The following PRKG1 variants were observed in gnomAD, a reference collection of about 807,000 sequenced individuals.
PRKG1 encodes protein kinase cGMP-dependent 1, also known as cGMP-dependent protein kinase 1.
A neutral mutation model predicts 88.1 loss-of-function variants in PRKG1; 35 were observed. The observed-to-expected ratio is 0.40, with a 90% confidence interval of 0.30 to 0.53. The LOEUF (loss-of-function observed/expected upper bound fraction) is 0.53. Ranked by LOEUF, PRKG1 falls within the 20% of genes least tolerant of loss-of-function variation. The pLI, the probability that PRKG1 is intolerant of heterozygous loss-of-function variation, is 0.59. For missense variants in PRKG1, 540 were observed against 839.8 expected (o/e 0.64, Z 4.41); for synonymous variants, 303 against 292.5 (o/e 1.04, Z -0.37).
Position 50,991,251 on chromosome 10 carries a change from C to A in PRKG1, c.-128C>A. ...CATTAGGGGCGCACTCCGCCGCGCT[C>A]GAGTACTTAGCGCCCATTCACTCGC... On this transcript the variant is annotated 5_prime_UTR_variant, in exon 1 of 18. Transcript: ENST00000401604. This position sits in a 1 kb window ranked among gnomAD's most constrained non-coding sequence, Gnocchi z 4.5. 7.4e-7 allele frequency: 1 copy of A among 1,346,626 alleles called. No homozygotes were observed. The highest frequency in any genetic ancestry group is 9.8e-7 in the Non-Finnish European group (1 of 1,019,570). The allele number at this position is 1,346,626 out of a possible 1,614,324, so 83.4% of individuals were successfully genotyped here.
At chr10:52,111,935 C>T (rs1847574241) in intron 7 of PRKG1, among the ~76,000 whole-genome samples, 1 of 152,098 alleles carries the variant, frequency 6.6e-6, no homozygotes, top group African/African-American at 2.4e-5. Flanking sequence ...TATGATAGTG[C>T]CTGTCTTTAA....
intron 3 of PRKG1, among the ~76,000 whole-genome samples, chr10:51,577,287 A>G (rs1450493341): frequency 6.6e-6 from 1 of 152,042 alleles, no homozygotes; most frequent in East Asian, 1.9e-4. Context: ...AAATGTAAAA[A>G]GCAAAAATAT....
intron 5 of PRKG1, among the ~76,000 whole-genome samples, chr10:51,990,352 T>C (rs1157629699): frequency 6.6e-6 from 1 of 152,126 alleles, no homozygotes; most frequent in Non-Finnish European, 1.5e-5. Flanking sequence ...GATTGTTTTT[T>C]CCATTTCTGT....
At chr10:51,306,919 A>G (rs991747480) in intron 2 of PRKG1, among the ~76,000 whole-genome samples, 6 of 152,168 alleles carry the variant, frequency 3.9e-5, no homozygotes, top group Non-Finnish European at 5.9e-5. Flanking sequence ...GTTTGAAGTC[A>G]TGGAGTCTAA....
chr10:51,147,899 C>A (rs1845979363), intron 1 of PRKG1, among the ~76,000 whole-genome samples: 2 of 152,094 alleles, frequency 1.3e-5, no homozygotes, highest in Admixed American at 1.3e-4. Context: ...TCTAAATTGG[C>A]CAATAACTTT....
chr10:52,239,317 A>C (rs1840783303), intron 9 of PRKG1, among the ~76,000 whole-genome samples: 1 of 138,652 alleles, frequency 7.2e-6, no homozygotes, highest in Non-Finnish European at 1.5e-5. Context: ...AACTTAAAGT[A>C]TAATAAAAAA....
chr10:51,005,532 G>C lies in PRKG1; in HGVS notation c.266+13888G>C, dbSNP rs1842932575. 2.0e-5 allele frequency among the ~76,000 whole-genome samples: 3 copies of C among 152,266 alleles called. No homozygotes were observed. The East Asian group carries it at 5.8e-4, about 29-fold the overall frequency. ...CAATAGGACAAAAGGAAATGAGATG[G>C]TTTAGGTATTATTACCATATTAATA... On this transcript the variant is annotated intron_variant, in intron 1 of 17. Coordinates refer to the PRKG1 transcript ENST00000401604.
intron 3 of PRKG1, among the ~76,000 whole-genome samples, chr10:51,570,424 T>C (rs1837723277): frequency 6.6e-6 from 1 of 151,910 alleles, no homozygotes; most frequent in Admixed American, 6.6e-5. Context: ...GTTCATTAAG[T>C]GGAAATGGAT....
chr10:52,170,878 TC>T (rs1564500478), intron 9 of PRKG1, among the ~76,000 whole-genome samples: 4 of 151,756 alleles, frequency 2.6e-5, no homozygotes, highest in South Asian at 2.1e-4. Flanking sequence ...AGGTTGCTCT[TC>T]GGCGGCTTTC....
intron 5 of PRKG1, among the ~76,000 whole-genome samples, chr10:52,005,501 GC>G (rs1209541623): frequency 1.3e-5 from 2 of 152,104 alleles, no homozygotes; most frequent in Non-Finnish European, 2.9e-5. Context: ...AGTTAGGCAG[GC>G]ATTGCATGCT....
At chr10:51,763,156 A>C (rs1838065334) in intron 3 of PRKG1, among the ~76,000 whole-genome samples, 1 of 152,188 alleles carries the variant, frequency 6.6e-6, no homozygotes, top group Non-Finnish European at 1.5e-5. Flanking sequence ...GAGAAAAATT[A>C]GGTCAATAGA....
intron 7 of PRKG1, among the ~76,000 whole-genome samples, chr10:52,079,005 C>A (rs1051662719): frequency 6.6e-6 from 1 of 152,210 alleles, no homozygotes; most frequent in Non-Finnish European, 1.5e-5. Context: ...AGAATAGCCT[C>A]TACTGGCATT....
At chr10:51,434,313 C>T (rs912405188) in intron 2 of PRKG1, among the ~76,000 whole-genome samples, 1 of 152,088 alleles carries the variant, frequency 6.6e-6, no homozygotes, top group South Asian at 2.1e-4. Flanking sequence ...ATCATGTTCA[C>T]AGTAAAGCCA....
At chr10:51,374,696 A>G (rs547031536) in intron 2 of PRKG1, among the ~76,000 whole-genome samples, 1 of 152,264 alleles carries the variant, frequency 6.6e-6, no homozygotes, top group African/African-American at 2.4e-5. Context: ...ATTGAACCCA[A>G]TGCTGCTTTG....
At chr10:51,661,792 C>A (rs937139499) in intron 3 of PRKG1, among the ~76,000 whole-genome samples, 9 of 152,126 alleles carry the variant, frequency 5.9e-5, no homozygotes, top group Non-Finnish European at 1.0e-4. Context: ...ATGTTTATTG[C>A]AGCACTATTC....
chr10:51,834,062 A>G (rs1055463196), intron 4 of PRKG1, among the ~76,000 whole-genome samples: 3 of 152,178 alleles, frequency 2.0e-5, no homozygotes, highest in Non-Finnish European at 4.4e-5. Flanking sequence ...GCTAAATAGT[A>G]TTCCATTGTG....
At chr10:51,895,097 A>G (rs2132916415) in intron 4 of PRKG1, among the ~76,000 whole-genome samples, 1 of 152,306 alleles carries the variant, frequency 6.6e-6, no homozygotes, top group East Asian at 1.9e-4. Context: ...ATTTGCTGCC[A>G]CATTAAATTA....
chr10:51,900,800 G>A (rs2132932089), intron 4 of PRKG1, among the ~76,000 whole-genome samples: 1 of 152,064 alleles, frequency 6.6e-6, no homozygotes, highest in East Asian at 1.9e-4. Flanking sequence ...AAAAAATGGT[G>A]TTCCATGAAA....
intron 3 of PRKG1, among the ~76,000 whole-genome samples, chr10:51,628,549 T>C (rs1475707255): frequency 2.6e-5 from 4 of 152,232 alleles, no homozygotes; most frequent in African/African-American, 9.6e-5. Flanking sequence ...TTTTTACCAT[T>C]TAAGTTTTTA....
Sources: allele counts gnomAD v4.1 joint callset (sites outside exome capture counted in the v4.1 genomes callset), GRCh38; gene constraint gnomAD v4.1.1; non-coding constraint Gnocchi (gnomAD v3.1); transcripts MANE v1.5; gene names NCBI Gene and HGNC (gene_info 2026-07-23, HGNC 2026-07-21).